CRADD: variants seen among roughly 807,000 people sequenced by gnomAD.
CRADD encodes CARD and death domain containing adaptor protein, also known as death domain-containing protein CRADD.
A neutral mutation model predicts 15.5 loss-of-function variants in CRADD; 9 were observed. The observed-to-expected ratio is 0.58, with a 90% confidence interval of 0.35 to 1.01. The LOEUF (loss-of-function observed/expected upper bound fraction) is 1.01, where lower values mean the gene tolerates loss of function less well. Ranked by LOEUF, CRADD falls within the 50% of genes least tolerant of loss-of-function variation. The pLI is 0.02. For missense variants in CRADD, 227 were observed against 250.3 expected, an observed-to-expected ratio of 0.91 and a Z score of 0.63; for synonymous variants, 118 against 107.6, an observed-to-expected ratio of 1.10 and a Z score of -0.60.
At chr12:93,692,927 A>G (rs899437915) in intron 2 of CRADD, among the ~76,000 whole-genome samples, 2 of 152,222 alleles carry the variant, frequency 1.3e-5, no homozygotes, top group African/African-American at 4.8e-5. Flanking sequence ...ACAAAAAGAC[A>G]TAAATTGTGC....
chr12:93,772,358 C>A (rs561540342), intron 2 of CRADD, among the ~76,000 whole-genome samples: 1 of 152,260 alleles, frequency 6.6e-6, no homozygotes, highest in Admixed American at 6.5e-5. Context: ...AGAATGTGCC[C>A]TTTACAAAAG....
chr12:93,792,777 A>G (rs1304264470), intron 2 of CRADD, among the ~76,000 whole-genome samples: 2 of 152,208 alleles, frequency 1.3e-5, no homozygotes, highest in African/African-American at 4.8e-5. Flanking sequence ...TCCCAAGGTC[A>G]TGTAGCTACT....
intron 2 of CRADD, among the ~76,000 whole-genome samples, chr12:93,875,515 A>G (rs958948427): frequency 2.6e-5 from 4 of 151,010 alleles, no homozygotes; most frequent in African/African-American, 9.7e-5. Context: ...AGTGAAGGTG[A>G]TTTTCTCTGG....
At chr12:93,806,325 G>A (rs930125042) in intron 2 of CRADD, among the ~76,000 whole-genome samples, 2 of 151,816 alleles carry the variant, frequency 1.3e-5, no homozygotes, top group Non-Finnish European at 2.9e-5. Flanking sequence ...GGTGGCGCAT[G>A]CCTGTAGTCC....
At chr12:93,688,208 A>G (rs1841386378) in intron 2 of CRADD, among the ~76,000 whole-genome samples, 1 of 152,256 alleles carries the variant, frequency 6.6e-6, no homozygotes, top group African/African-American at 2.4e-5. Flanking sequence ...TCATAATTAA[A>G]AATGAATTTC....
intron 2 of CRADD, among the ~76,000 whole-genome samples, chr12:93,757,225 G>C (rs1406763746): frequency 6.6e-6 from 1 of 152,154 alleles, no homozygotes; most frequent in Non-Finnish European, 1.5e-5. Context: ...GTCTACTCCA[G>C]GTAGAGTTTT....
At chr12:93,861,683 C>G (rs1208891946) in intron 2 of CRADD, among the ~76,000 whole-genome samples, 2 of 152,214 alleles carry the variant, frequency 1.3e-5, no homozygotes, top group African/African-American at 4.8e-5. Flanking sequence ...CAGCTTCTTC[C>G]TTTCCACAGG....
chr12:93,837,353 C>T (rs893756627), intron 2 of CRADD: 2 of 152,012 alleles, frequency 1.3e-5, no homozygotes, highest in Non-Finnish European at 2.9e-5. Context: ...CTGCAACCTC[C>T]ACCTCCTGAG....
rs1957230192 is a variant in CRADD at position 93,783,128 on chromosome 12, C to CT, written c.299-66837dup. Among the ~76,000 whole-genome samples the CT allele has an allele frequency of 1.3e-5, 2 of 151,912 alleles. 1 individual carries two copies. The highest frequency in any genetic ancestry group is 4.1e-4 in the South Asian group (2 of 4,826). On this transcript the variant is annotated intron_variant, in intron 2 of 2. Transcript: ENST00000332896. ...CCTCCTTTTTTGCCTCTTTCCTTTC[C>CT]TTTTTACTTTCCTTCTATTTCTTAA...
chr12:93,717,807 C>T (rs915448848), intron 2 of CRADD, among the ~76,000 whole-genome samples: 3 of 152,170 alleles, frequency 2.0e-5, no homozygotes, highest in Admixed American at 6.5e-5. Context: ...AGGTATGAGC[C>T]GCCGCACCCT....
intron 2 of CRADD, chr12:93,707,990 A>G (rs913287560): frequency 6.6e-6 from 1 of 152,232 alleles, no homozygotes; most frequent in African/African-American, 2.4e-5. Flanking sequence ...CAAAATATCT[A>G]GAAAGATGTC....
intron 2 of CRADD, among the ~76,000 whole-genome samples, chr12:93,829,839 C>T (rs1227874637): frequency 2.0e-5 from 3 of 152,026 alleles, no homozygotes; most frequent in Admixed American, 6.6e-5. Flanking sequence ...ATTACAGGTG[C>T]CCGCCACCAC....
At chr12:93,875,046 T>C (rs1447293241) in intron 2 of CRADD, among the ~76,000 whole-genome samples, 2 of 152,100 alleles carry the variant, frequency 1.3e-5, no homozygotes, top group Non-Finnish European at 2.9e-5. Context: ...TATTGTATTA[T>C]GATCTATCTC....
chr12:93,686,094 G>A lies in CRADD; in HGVS notation c.298+7022G>A, dbSNP rs10859553. Among the ~76,000 whole-genome samples, 1,396 of 151,610 alleles carry A rather than the reference G, an allele frequency of 9.2e-3. 16 individuals are homozygous for A. The highest frequency in any genetic ancestry group is 0.032 in the African/African-American group (1,337 of 41,314). ...GCGGGTGAATCACTTGAGGTCAGGAGTTTGAGACCAGCCTGGCCAACATGG... is the reference window on the plus strand; with the variant it reads ...GCGGGTGAATCACTTGAGGTCAGGAATTTGAGACCAGCCTGGCCAACATGG... On this transcript the variant is annotated intron_variant, in intron 2 of 2. Coordinates refer to ENST00000332896, the MANE Select transcript of CRADD (RefSeq NM_003805.5).
chr12:93,728,485 C>T (rs1956407919), intron 2 of CRADD, among the ~76,000 whole-genome samples: 1 of 152,178 alleles, frequency 6.6e-6, no homozygotes, highest in South Asian at 2.1e-4. Flanking sequence ...AAATTTAATA[C>T]AGTTCCAGCA....
chr12:93,808,241 A>G (rs921237957), intron 2 of CRADD, among the ~76,000 whole-genome samples: 2 of 152,064 alleles, frequency 1.3e-5, no homozygotes, highest in African/African-American at 4.8e-5. Context: ...CTAATTTATA[A>G]AGGAGAGGTT....
intron 2 of CRADD, chr12:93,738,658 G>C: frequency 1.9e-6 from 1 of 528,334 alleles, no homozygotes; most frequent in Non-Finnish European, 3.3e-6. Flanking sequence ...TCTTTTTTGT[G>C]CGTAAAGTGT....
chr12:93,812,878 G>C (rs118134574), intron 2 of CRADD, among the ~76,000 whole-genome samples: 1,618 of 152,306 alleles, frequency 0.011, 23 homozygotes, highest in East Asian at 0.041. Context: ...CGCATCTTGA[G>C]TTGATTTTGC....
At chr12:93,684,963 C>T (rs558689007) in intron 2 of CRADD, among the ~76,000 whole-genome samples, 41 of 152,298 alleles carry the variant, frequency 2.7e-4, no homozygotes, top group African/African-American at 9.4e-4. Context: ...GATGTGTGTG[C>T]AGCCGTGATC....
Sources: gnomAD v4.1 joint callset for allele counts (sites outside exome capture counted in the v4.1 genomes callset) on GRCh38, gnomAD v4.1.1 for gene constraint, MANE v1.5 for transcripts, NCBI Gene and HGNC (gene_info 2026-07-23, HGNC 2026-07-21) for gene names.